The following ABL1 variants were observed in gnomAD, a reference collection of about 807,000 sequenced individuals.
ABL1 encodes ABL proto-oncogene 1, non-receptor tyrosine kinase.
In ABL1, 11 loss-of-function variants were observed where a neutral mutation model predicts 94.7. The observed-to-expected ratio is 0.12, with a 90% CI of 0.07 to 0.19. The LOEUF (loss-of-function observed/expected upper bound fraction) is 0.19. Among genes scored for constraint, ABL1 ranks in the 10% least tolerant of loss-of-function variants. The pLI is 1.00. For synonymous variants in ABL1, 656 were observed against 622.4 expected (o/e 1.05, Z -0.80); for missense variants, 1,082 against 1,489.4 (o/e 0.73, Z 4.50).
chr9:130,722,119 G>C (rs377083631), intron 1 of ABL1, among the ~76,000 whole-genome samples: 4 of 151,862 alleles, frequency 2.6e-5, no homozygotes, highest in African/African-American at 9.7e-5. Context: ...CAGGCTGGGC[G>C]TGGTGGCTCA....
At chr9:130,834,499 T>C (rs549295363), upstream of ABL1, among the ~76,000 whole-genome samples, 2 of 152,260 alleles carry the variant, frequency 1.3e-5, no homozygotes, top group South Asian at 4.1e-4. Flanking sequence ...TTAAAATAAT[T>C]GAATGAAATG....
At chr9:130,735,821 T>TG (rs1831727990) in intron 1 of ABL1, among the ~76,000 whole-genome samples, 1 of 151,248 alleles carries the variant, frequency 6.6e-6, no homozygotes, top group African/African-American at 2.4e-5. Context: ...TAAGGGTACA[T>TG]GCGTTTGTCA....
At chr9:130,875,169 T>A in intron 7 of ABL1, 117 bp downstream of exon 7, 1 of 1,143,690 alleles carries the variant, frequency 8.7e-7, no homozygotes, top group Non-Finnish European at 1.2e-6. Context: ...TGAGACGGAG[T>A]CTCACTCTGT....
chr9:130,835,616 C>G lies in ABL1; in HGVS notation c.79+91C>G. On this transcript the variant is annotated intron_variant, in intron 1 of 10. Coordinates refer to ENST00000318560, the MANE Select transcript of ABL1 (RefSeq NM_005157.6). This position sits in a 1 kb window ranked among gnomAD's most constrained non-coding sequence, Gnocchi z 4.6. The stretch of plus-strand genomic sequence containing the variant: ...CTAGGCCTCGCCGCCCGCGCGCTCC[C>G]GCCTGCGCCCTCCCCGGGTCTTGTC... The G allele has an allele frequency of 2.1e-6, 2 of 964,194 alleles. No homozygotes were observed. Among genetic ancestry groups the G allele is most frequent in the East Asian group, 5.6e-5 (2 of 35,924 alleles). 59.7% of individuals were successfully genotyped at this position (964,194 alleles called of 1,614,324 possible). A position where few individuals can be genotyped will look rare whatever the true frequency, so the allele number is the denominator to read the frequency against.
chr9:130,729,336 G>A (rs535986815), intron 1 of ABL1, among the ~76,000 whole-genome samples: 13 of 152,296 alleles, frequency 8.5e-5, no homozygotes, highest in Non-Finnish European at 1.8e-4. Context: ...CCCACAGGAT[G>A]CCTCCCACCT....
At chr9:130,816,904 A>G (rs1411751153) in intron 1 of ABL1, among the ~76,000 whole-genome samples, 2 of 152,092 alleles carry the variant, frequency 1.3e-5, no homozygotes, top group African/African-American at 4.8e-5. Context: ...GGGTTTCACC[A>G]TCTTGGCCAG....
chr9:130,745,515 A>C (rs1028467540), intron 1 of ABL1, among the ~76,000 whole-genome samples: 1 of 151,308 alleles, frequency 6.6e-6, no homozygotes, highest in African/African-American at 2.4e-5. Flanking sequence ...AACTCATGAT[A>C]CCTCCTGGTC....
At position 130,781,076 on chromosome 9, in the gene ABL1, T is replaced by C. The variant is rs186014486; in HGVS notation, c.136+66621T>C. 3.9e-5 allele frequency among the ~76,000 whole-genome samples: 6 copies of C among 152,220 alleles called. No homozygotes were observed. The East Asian group carries it at 1.2e-3, about 29-fold the overall frequency. On this transcript the variant is annotated intron_variant, in intron 1 of 10. Coordinates refer to the ABL1 transcript ENST00000372348. ...TGCGTCATTCTGAAGACGCAGTGAG[T>C]CAACGCAGTCCCAAGAGAGCAGTAA...
intron 1 of ABL1, among the ~76,000 whole-genome samples, chr9:130,772,763 T>A (rs778886441): frequency 1.4e-4 from 22 of 152,282 alleles, no homozygotes; most frequent in Non-Finnish European, 2.8e-4. Flanking sequence ...TAGGTGAGGA[T>A]CCAACTGAAT....
rs751875847 is a variant in ABL1 at position 130,884,269 on chromosome 9, C to T, written c.1979C>T (p.Pro660Leu). 2.5e-6 allele frequency: 4 copies of T among 1,598,356 alleles called. No individual in the cohort carries two copies. ...GACACAGCTGACCCAGCCAAGTCCC[C>T]AAAGCCCAGCAATGGGGCTGGGGTC... ...PLDTADPAKSPKPSNGAGVPN... is the reference protein window; with the variant it reads ...PLDTADPAKSLKPSNGAGVPN... Residue 660 changes from proline (P) to leucine (L), a missense_variant, in exon 11 of 11, where the codon CCA (proline) becomes CTA (leucine). Physicochemically the swap from Pro to Leu is moderately conservative, Grantham distance 98 (BLOSUM62 -3). This residue lies in a region of ABL1 where 780 missense variants were observed against 835.8 expected (regional missense o/e 0.93). Transcript: ENST00000318560. This position sits in a 1 kb window ranked among gnomAD's most constrained non-coding sequence, Gnocchi z 5.6.
At chr9:130,745,783 T>C (rs1170987937) in intron 1 of ABL1, among the ~76,000 whole-genome samples, 1 of 152,126 alleles carries the variant, frequency 6.6e-6, no homozygotes, top group Admixed American at 6.5e-5. Context: ...AAAGTCCTGC[T>C]TACTTGACTG....
At chr9:130,740,893 C>G (rs1372215576) in intron 1 of ABL1, among the ~76,000 whole-genome samples, 2 of 145,408 alleles carry the variant, frequency 1.4e-5, no homozygotes, top group Non-Finnish European at 3.0e-5. Flanking sequence ...AAGGGATCCT[C>G]CTACCTCGGC....
intron 1 of ABL1, among the ~76,000 whole-genome samples, chr9:130,839,881 C>T (rs967586478): frequency 6.6e-6 from 1 of 152,200 alleles, no homozygotes; most frequent in Admixed American, 6.5e-5. Flanking sequence ...TCTGCACAGG[C>T]AGGCAGCTCC....
rs112507373 is a variant in ABL1 at position 130,753,615 on chromosome 9, G to A, written c.136+39160G>A. ...CAATTTTTGTATTTTTAGTAGAGACGGGTTTTTACCATGTTGGCCAGGCTG... is the reference window on the plus strand; with the variant it reads ...CAATTTTTGTATTTTTAGTAGAGACAGGTTTTTACCATGTTGGCCAGGCTG... On this transcript the variant is annotated intron_variant, in intron 1 of 10. Transcript: ENST00000372348. Among the ~76,000 whole-genome samples, 18 of 150,760 alleles carry A rather than the reference G, an allele frequency of 1.2e-4. No individual in the cohort carries two copies. The South Asian group carries it at 3.2e-3, about 27-fold the overall frequency.
At chr9:130,782,159 A>AGCAGTT (rs1829764874) in intron 1 of ABL1, among the ~76,000 whole-genome samples, 1 of 151,946 alleles carries the variant, frequency 6.6e-6, no homozygotes, top group Non-Finnish European at 1.5e-5. Context: ...TCCAGGTTCA[A>AGCAGTT]GCAGTTCTCC....
rs939512470 is a variant in ABL1 at position 130,835,752 on chromosome 9, T to TTTCTCC, written c.79+232_79+233insCTTCTC. On this transcript the variant is annotated intron_variant, in intron 1 of 10. Transcript: ENST00000318560. This position sits in a 1 kb window ranked among gnomAD's most constrained non-coding sequence, Gnocchi z 4.6. ...TTTTCTCTTCTCTTGTCTCTCTCTT[T>TTTCTCC]TTCTCTCTCTCTGTCTCTTTCTCTT... 1.1e-4 allele frequency among the ~76,000 whole-genome samples: 1 copy of TTTCTCC among 8,736 alleles called. No homozygotes were observed. The highest frequency in any genetic ancestry group is 1.4e-3 in the Admixed American group (1 of 690). 5.7% of individuals were successfully genotyped at this position (8,736 alleles called of 152,430 possible). A position where few individuals can be genotyped will look rare whatever the true frequency, so the allele number is the denominator to read the frequency against.
chr9:130,793,668 A>C (rs1229614182), intron 1 of ABL1, among the ~76,000 whole-genome samples: 2 of 152,140 alleles, frequency 1.3e-5, no homozygotes, highest in Non-Finnish European at 2.9e-5. Context: ...AACACAAGCC[A>C]CCACTGTTCC....
chr9:130,880,168 C>T lies in ABL1; in HGVS notation c.1513+11C>T. The T allele has an allele frequency of 6.2e-7, 1 of 1,613,302 alleles. No homozygotes were observed. The highest frequency in any genetic ancestry group is 8.5e-7 in the Non-Finnish European group (1 of 1,179,288). On this transcript the variant is annotated intron_variant, in intron 9 of 10. Transcript: ENST00000318560. This position sits in a 1 kb window ranked among gnomAD's most constrained non-coding sequence, Gnocchi z 4.4. Reference sequence around the variant, plus strand: ...CCAGTATCTCAGACGGTAAAGTACCCATCCCGGGGTACCTGCAGTGGGGTG... The same window carrying T: ...CCAGTATCTCAGACGGTAAAGTACCTATCCCGGGGTACCTGCAGTGGGGTG...
intron 1 of ABL1, among the ~76,000 whole-genome samples, chr9:130,761,202 C>T (rs772560642): frequency 6.6e-6 from 1 of 152,122 alleles, no homozygotes; most frequent in Non-Finnish European, 1.5e-5. Flanking sequence ...CTCCTGACCT[C>T]GTGATCCACC....
Sources: gnomAD v4.1 joint callset for allele counts (sites outside exome capture counted in the v4.1 genomes callset) on GRCh38, gnomAD v4.1.1 for gene constraint, gnomAD v4.1.1 regional missense constraint, Gnocchi (gnomAD v3.1) non-coding constraint, MANE v1.5 for transcripts, NCBI Gene and HGNC (gene_info 2026-07-23, HGNC 2026-07-21) for gene names.